TAF10: variants seen among roughly 807,000 people sequenced by gnomAD.
The protein encoded by TAF10 is TATA-box binding protein associated factor 10.
In TAF10, 2 loss-of-function variants were observed where a neutral mutation model predicts 18.1. That is an observed-to-expected ratio of 0.11 (90% CI 0.05 to 0.35). TAF10 has a LOEUF of 0.35. Ranked by LOEUF, TAF10 falls within the 10% of genes least tolerant of loss-of-function variation. The pLI, the probability that TAF10 is intolerant of heterozygous loss-of-function variation, is 1.00. For synonymous variants in TAF10, 158 were observed against 134.6 expected (o/e 1.17, Z -1.20); for missense variants, 293 against 306.9 (o/e 0.95, Z 0.34).
At position 6,611,682 on chromosome 11, in the gene TAF10, C is replaced by T. The variant is rs2134583030; in HGVS notation, c.369G>A (p.Leu123=). Reference sequence around the variant, plus strand: ...AGCCCACCGTAGGCGTGTAATCTTCCAGCTGCATCAAGAAGTCCACCAAAG... The same window carrying T: ...AGCCCACCGTAGGCGTGTAATCTTCTAGCTGCATCAAGAAGTCCACCAAAG... ...STPLVDFLMQ[L]EDYTPTIPDA... Residue 123 remains leucine (L), a synonymous_variant, in exon 2 of 5, where the codon CTG becomes CTA. Transcript: ENST00000299424. The T allele has an allele frequency of 6.3e-7, 1 of 1,597,490 alleles. No homozygotes were observed. Among genetic ancestry groups the T allele is most frequent in the Non-Finnish European group, 8.5e-7 (1 of 1,171,636 alleles).
At position 6,608,586 on chromosome 11, in the gene TAF10, CTG is replaced by C. The variant is rs749618030; in HGVS notation, c.*2334_*2335del. The C allele has an allele frequency of 1.5e-6, 2 of 1,320,884 alleles. No homozygotes were observed. Among genetic ancestry groups the C allele is most frequent in the East Asian group, 2.3e-5 (1 of 43,570 alleles). The allele number at this position is 1,320,884 out of a possible 1,614,324, so 81.8% of individuals were successfully genotyped here. A position where few individuals can be genotyped will look rare whatever the true frequency, so the allele number is the denominator to read the frequency against. ...CCCTCAACCCATTCTGTCAGTACTA[CTG>C]TGTGACACTTACAGGATTAAGTTCT... On this transcript the variant is annotated 3_prime_UTR_variant, in exon 5 of 5. Coordinates refer to ENST00000299424, the MANE Select transcript of TAF10 (RefSeq NM_006284.4). The surrounding 1 kb of genome is among the most constrained non-coding windows in gnomAD (Gnocchi z 4.9).
chr11:6,610,723 AC>A lies in TAF10; in HGVS notation c.*198del. ...CTCCCCCGCCTCCAGTCATGGTACTACCCCAGCCATGGGGTCCATCCCCTTC... is the reference window on the plus strand; with the variant it reads ...CTCCCCCGCCTCCAGTCATGGTACTACCCAGCCATGGGGTCCATCCCCTTC... On this transcript the variant is annotated 3_prime_UTR_variant, in exon 5 of 5. Coordinates refer to ENST00000299424, the MANE Select transcript of TAF10 (RefSeq NM_006284.4). 1 of 1,414,700 alleles carries A rather than the reference AC, an allele frequency of 7.1e-7. No individual in the cohort carries two copies. Among genetic ancestry groups the A allele is most frequent in the Non-Finnish European group, 9.9e-7 (1 of 1,013,810 alleles). The allele number at this position is 1,414,700 out of a possible 1,614,324, so 87.6% of individuals were successfully genotyped here. A position where few individuals can be genotyped will look rare whatever the true frequency, so the allele number is the denominator to read the frequency against.
rs762978553 is a variant in TAF10 at position 6,608,107 on chromosome 11, G to C, written c.*2815C>G. ...CCGAGAGGGCCGCTCTGCTGTGGTTGAGATGTTGATCATGCGGGGGGCACG... is the reference window on the plus strand; with the variant it reads ...CCGAGAGGGCCGCTCTGCTGTGGTTCAGATGTTGATCATGCGGGGGGCACG... On this transcript the variant is annotated 3_prime_UTR_variant, in exon 5 of 5. Coordinates refer to ENST00000299424, the MANE Select transcript of TAF10 (RefSeq NM_006284.4). The surrounding 1 kb of genome is among the most constrained non-coding windows in gnomAD (Gnocchi z 4.9). The C allele has an allele frequency of 8.1e-6, 13 of 1,614,184 alleles. No homozygotes were observed. The highest frequency in any genetic ancestry group is 3.3e-4 in the Middle Eastern group (2 of 6,060).
chr11:6,610,831 G>A lies in TAF10; in HGVS notation c.*91C>T. 1.3e-6 allele frequency: 2 copies of A among 1,485,900 alleles called. No homozygotes were observed. The highest frequency in any genetic ancestry group is 1.7e-5 in the Admixed American group (1 of 58,426). The allele number at this position is 1,485,900 out of a possible 1,614,324, so 92.0% of individuals were successfully genotyped here. A position where few individuals can be genotyped will look rare whatever the true frequency, so the allele number is the denominator to read the frequency against. ...CACATGGTGTCTCCCAACATGGGAG[G>A]GATCAGCCCCGCCTGTCACAATAAA... On this transcript the variant is annotated 3_prime_UTR_variant, in exon 5 of 5. Coordinates refer to ENST00000299424, the MANE Select transcript of TAF10 (RefSeq NM_006284.4).
Position 6,611,722 on chromosome 11 carries a change from A to C in TAF10, c.329T>G (p.Val110Gly), listed in dbSNP as rs201684203. 1.4e-5 allele frequency: 22 copies of C among 1,611,430 alleles called. No homozygotes were observed. Among genetic ancestry groups the C allele is most frequent in the Non-Finnish European group, 1.7e-5 (20 of 1,178,468 alleles). Residue 110 changes from valine to glycine, a missense_variant, in exon 2 of 5, where the codon GTG (valine) becomes GGG (glycine). By Grantham distance (109) the Val-to-Gly change is moderately radical (BLOSUM62 -3). Coordinates refer to ENST00000299424, the MANE Select transcript of TAF10 (RefSeq NM_006284.4). ...GTCCACCAAAGGCGTGCTGGACACCACGGGCTTCACGTCTCCGTTGGCCGC... is the reference window on the plus strand; with the variant it reads ...GTCCACCAAAGGCGTGCTGGACACCCCGGGCTTCACGTCTCCGTTGGCCGC... ...PSAANGDVKPVVSSTPLVDFL... is the reference protein window; with the variant it reads ...PSAANGDVKPGVSSTPLVDFL...
In TAF10 at chr11:6,608,408, G is replaced by C; in HGVS notation, c.*2514C>G. 1 of 1,614,140 alleles carries C rather than the reference G, an allele frequency of 6.2e-7. No individual in the cohort carries two copies. ...ATGGGGTCCAGCTATTGCAGTACAA[G>C]GCAGACATCAATGCAGTGAATGAAC... On this transcript the variant is annotated 3_prime_UTR_variant, in exon 5 of 5. Transcript: ENST00000299424. This position sits in a 1 kb window ranked among gnomAD's most constrained non-coding sequence, Gnocchi z 4.9.
In TAF10 at chr11:6,610,704, C is replaced by G. The variant is rs988778518; in HGVS notation, c.*218G>C. 9.3e-6 allele frequency: 14 copies of G among 1,497,526 alleles called. No individual in the cohort carries two copies. The highest frequency in any genetic ancestry group is 6.9e-5 in the African/African-American group (5 of 72,576). 92.8% of individuals were successfully genotyped at this position (1,497,526 alleles called of 1,614,324 possible). A position where few individuals can be genotyped will look rare whatever the true frequency, so the allele number is the denominator to read the frequency against. ...GCAGCAGGCCTCTGGTTGCCTCCCC[C>G]GCCTCCAGTCATGGTACTACCCCAG... is the stretch of plus-strand genomic sequence containing the variant. On this transcript the variant is annotated 3_prime_UTR_variant, in exon 5 of 5. Transcript: ENST00000299424.
rs1855457031 is a variant in TAF10 at position 6,611,461 on chromosome 11, TC to T, written c.388-10del. 1 of 1,613,778 alleles carries T rather than the reference TC, an allele frequency of 6.2e-7. No homozygotes were observed. The highest frequency in any genetic ancestry group is 1.3e-5 in the African/African-American group (1 of 74,854). On this transcript the variant is annotated splice_polypyrimidine_tract_variant and intron_variant, in intron 2 of 4. Transcript: ENST00000299424. ...GTCACTGCATCTGGGATCTGAGAAA[TC>T]AATTAAGAGAACTGTCAGCAGAGCG...
chr11:6,611,502 G>A lies in TAF10; in HGVS notation c.388-50C>T, dbSNP rs776144195. 14 of 1,608,886 alleles carry A rather than the reference G, an allele frequency of 8.7e-6. No homozygotes were observed. In the East Asian group the frequency reaches 1.8e-4, roughly 20 times the overall value. On this transcript the variant is annotated intron_variant, in intron 2 of 4. Coordinates refer to ENST00000299424, the MANE Select transcript of TAF10 (RefSeq NM_006284.4). ...TCAGCAGAGCGGGAGGAGGGTGAGG[G>A]AAATGGATAGGCCTGATTATCAGGA...
chr11:6,607,895 T>TG lies in TAF10; in HGVS notation c.*3026dup, dbSNP rs1855087986. 4 of 755,510 alleles carry TG rather than the reference T, an allele frequency of 5.3e-6. No individual in the cohort carries two copies. The highest frequency in any genetic ancestry group is 4.5e-5 in the Admixed American group (2 of 44,188). 46.8% of individuals were successfully genotyped at this position (755,510 alleles called of 1,614,324 possible). A position where few individuals can be genotyped will look rare whatever the true frequency, so the allele number is the denominator to read the frequency against. ...TTGAAGCTCAGGGGAAGGTCTGAAA[T>TG]GGACAGCTTTGGGAGTTGCTGGCAT... On this transcript the variant is annotated 3_prime_UTR_variant, in exon 5 of 5. Transcript: ENST00000299424.
chr11:6,608,136 C>T lies in TAF10; in HGVS notation c.*2786G>A, dbSNP rs746533708. 1 of 1,614,116 alleles carries T rather than the reference C, an allele frequency of 6.2e-7. No homozygotes were observed. Among genetic ancestry groups the T allele is most frequent in the South Asian group, 1.1e-5 (1 of 91,070 alleles). On this transcript the variant is annotated 3_prime_UTR_variant, in exon 5 of 5. Coordinates refer to ENST00000299424, the MANE Select transcript of TAF10 (RefSeq NM_006284.4). This position sits in a 1 kb window ranked among gnomAD's most constrained non-coding sequence, Gnocchi z 4.9. ...TGTTGATCATGCGGGGGGCACGGAT[C>T]AATGTAATGAACCGTGGGGATGACA...
Position 6,610,415 on chromosome 11 carries a change from C to A in TAF10, c.*507G>T. 6.2e-7 allele frequency: 1 copy of A among 1,614,018 alleles called. No individual in the cohort carries two copies. The highest frequency in any genetic ancestry group is 1.3e-5 in the African/African-American group (1 of 75,048). On this transcript the variant is annotated 3_prime_UTR_variant, in exon 5 of 5. Transcript: ENST00000299424. ...CCCAAGGGCCAGTGGCTTCTCTCTA[C>A]ATGACAGACTCAAATTGTGAGGCTG... is the stretch of plus-strand genomic sequence containing the variant.
In TAF10 at chr11:6,608,061, C is replaced by A; in HGVS notation, c.*2861G>T. The A allele has an allele frequency of 6.2e-7, 1 of 1,613,394 alleles. No homozygotes were observed. The highest frequency in any genetic ancestry group is 8.5e-7 in the Non-Finnish European group (1 of 1,179,930). On this transcript the variant is annotated 3_prime_UTR_variant, in exon 5 of 5. Coordinates refer to ENST00000299424, the MANE Select transcript of TAF10 (RefSeq NM_006284.4). This position sits in a 1 kb window ranked among gnomAD's most constrained non-coding sequence, Gnocchi z 4.9. ...TTCCTCAAAGGGACGATCATGGCTT[C>A]TCCCCCTTGCACTGGGCCTGCCGAG...
chr11:6,611,279 G>A lies in TAF10; in HGVS notation c.477C>T (p.Ala159=), dbSNP rs758294446. 3.7e-5 allele frequency: 60 copies of A among 1,613,920 alleles called. No homozygotes were observed. In the East Asian group the frequency reaches 1.3e-3, roughly 35 times the overall value. Residue 159 remains alanine, a synonymous_variant, in exon 4 of 5, where the codon GCC becomes GCT. Coordinates refer to ENST00000299424, the MANE Select transcript of TAF10 (RefSeq NM_006284.4). ...TGGCAATATCTGAGATGAATTTCTG[G>A]GCAGCTAAGGAGATGAGCCGAATTC... ...PRIIRLISLA[A]QKFISDIAND...
At chr11:6,611,607 G>A in intron 2 of TAF10, 57 bp downstream of exon 2, 2 of 1,581,612 alleles carry the variant, frequency 1.3e-6, no homozygotes, top group South Asian at 1.1e-5. Context: ...TGAAAAGCAC[G>A]ATGTGGCTGA....
chr11:6,609,707 C>G lies in TAF10; in HGVS notation c.*1215G>C. 6.2e-7 allele frequency: 1 copy of G among 1,614,196 alleles called. No homozygotes were observed. The highest frequency in any genetic ancestry group is 8.5e-7 in the Non-Finnish European group (1 of 1,180,018). On this transcript the variant is annotated 3_prime_UTR_variant, in exon 5 of 5. Transcript: ENST00000299424. ...GAGGGAGCCTCTCTGAACTATTTGA[C>G]TTTTGCCTCCTCTCAGATTTCGTCG...
chr11:6,608,821 T>C lies in TAF10; in HGVS notation c.*2101A>G, dbSNP rs1198205599. 6.2e-7 allele frequency: 1 copy of C among 1,612,530 alleles called. No homozygotes were observed. Among genetic ancestry groups the C allele is most frequent in the Non-Finnish European group, 8.5e-7 (1 of 1,178,526 alleles). On this transcript the variant is annotated 3_prime_UTR_variant, in exon 5 of 5. Transcript: ENST00000299424. The surrounding 1 kb of genome is among the most constrained non-coding windows in gnomAD (Gnocchi z 4.9). The stretch of plus-strand genomic sequence containing the variant: ...TCTCCCCATCCCCTAGCTTGTGTCC[T>C]CTCGTCCCTTCCCACCTGTCTTCTC...
Position 6,610,077 on chromosome 11 carries a change from T to C in TAF10, c.*845A>G. On this transcript the variant is annotated 3_prime_UTR_variant, in exon 5 of 5. Coordinates refer to ENST00000299424, the MANE Select transcript of TAF10 (RefSeq NM_006284.4). ...TGTCGGGAGGTAAAAAAGGACCACC[T>C]CAGAAGTAGTGGAAGGGGGCAGAGA... is the stretch of plus-strand genomic sequence containing the variant. The C allele has an allele frequency of 1.9e-6, 3 of 1,613,674 alleles. No individual in the cohort carries two copies. The East Asian group carries it at 6.7e-5, about 36-fold the overall frequency.
rs1373279295 is a variant in TAF10, at chr11:6,607,206, G to A, written c.*3716C>T. On this transcript the variant is annotated 3_prime_UTR_variant, in exon 5 of 5. Coordinates refer to ENST00000299424, the MANE Select transcript of TAF10 (RefSeq NM_006284.4). ...CGAACTGGAGGGAATTTCCTTTTAT[G>A]GCCCCAGGCTGTCAGGCAGGCCCAG... is the stretch of plus-strand genomic sequence containing the variant. 6.6e-6 allele frequency: 1 copy of A among 152,244 alleles called. No individual in the cohort carries two copies. Among genetic ancestry groups the A allele is most frequent in the Non-Finnish European group, 1.5e-5 (1 of 68,078 alleles). The allele number at this position is 152,244 out of a possible 1,614,324, so 9.4% of individuals were successfully genotyped here. A position where few individuals can be genotyped will look rare whatever the true frequency, so the allele number is the denominator to read the frequency against.
Sources: gnomAD v4.1 joint callset for allele counts on GRCh38, gnomAD v4.1.1 for gene constraint, Gnocchi (gnomAD v3.1) non-coding constraint, MANE v1.5 for transcripts, NCBI Gene and HGNC (gene_info 2026-07-23, HGNC 2026-07-21) for gene names.